DACH2: variants seen among roughly 807,000 people sequenced by gnomAD.
The protein encoded by DACH2 is dachshund homolog 2.
Under a neutral mutation model 35.8 loss-of-function variants are expected in DACH2, and 17 were observed. That is an observed-to-expected ratio of 0.48 (90% confidence interval 0.33 to 0.71). DACH2 has a LOEUF of 0.71. Among genes scored for constraint, DACH2 ranks in the 30% least tolerant of loss-of-function variants. The pLI, the probability that DACH2 is intolerant of heterozygous loss-of-function variation, is 0.02. For synonymous variants in DACH2, 195 were observed against 177.3 expected (o/e 1.10, Z -0.79); for missense variants, 469 against 472.7 (o/e 0.99, Z 0.07).
chrX:86,460,237 G>A (rs1029766975), intron 2 of DACH2, among the ~76,000 whole-genome samples: 1 of 110,743 alleles, frequency 9.0e-6, no homozygotes, highest in African/African-American at 3.3e-5. Context: ...CTCTGAAATA[G>A]AAAAGGATTT....
intron 3 of DACH2, among the ~76,000 whole-genome samples, chrX:86,522,446 T>G (rs1008227665): frequency 1.8e-5 from 2 of 111,909 alleles, no homozygotes; most frequent in Admixed American, 9.5e-5. Context: ...TTAGATATTA[T>G]ATCTATGTAA....
intron 1 of DACH2, among the ~76,000 whole-genome samples, chrX:86,278,345 C>G (rs1463123051): frequency 8.9e-6 from 1 of 111,792 alleles, no homozygotes; most frequent in Non-Finnish European, 1.9e-5. Context: ...CCATGTTTAT[C>G]TGACCTCTCA....
At chrX:86,824,822 A>T (rs2042547900) in intron 11 of DACH2, among the ~76,000 whole-genome samples, 1 of 111,555 alleles carries the variant, frequency 9.0e-6, no homozygotes. Context: ...GAACTAATAA[A>T]CCCTCAAATC....
In DACH2 at chrX:86,358,499, G is replaced by A. The variant is rs148914153; in HGVS notation, c.489-18325G>A. ...CACACACAATCCCAGAGAGAGCTGGGCAGCAATTATGGAGTGATGGCAATG... is the reference window on the plus strand; with the variant it reads ...CACACACAATCCCAGAGAGAGCTGGACAGCAATTATGGAGTGATGGCAATG... On this transcript the variant is annotated intron_variant, in intron 1 of 11. Coordinates refer to ENST00000373125, the MANE Select transcript of DACH2 (RefSeq NM_053281.3). 3.3e-3 allele frequency among the ~76,000 whole-genome samples: 346 copies of A among 105,848 alleles called. 1 individual carries two copies. The highest frequency in any genetic ancestry group is 5.6e-3 in the Non-Finnish European group (288 of 51,404). 91.9% of individuals were successfully genotyped at this position (105,848 alleles called of 115,157 possible).
intron 2 of DACH2, among the ~76,000 whole-genome samples, chrX:86,458,758 A>G (rs2037517928): frequency 8.9e-6 from 1 of 111,873 alleles, no homozygotes; most frequent in African/African-American, 3.2e-5. Context: ...TGTTAAATCA[A>G]TTTGGGGAAG....
chrX:86,261,858 C>T (rs1239118402), intron 1 of DACH2, among the ~76,000 whole-genome samples: 3 of 111,126 alleles, frequency 2.7e-5, no homozygotes, highest in African/African-American at 9.8e-5. Flanking sequence ...CTAGAGCTTG[C>T]ATATGGAGGG....
At chrX:86,556,056 A>G (rs1045082140) in intron 3 of DACH2, among the ~76,000 whole-genome samples, 1 of 111,840 alleles carries the variant, frequency 8.9e-6, no homozygotes, top group African/African-American at 3.2e-5. Flanking sequence ...TTATGTGATG[A>G]TGAGTAAAAG....
intron 3 of DACH2, among the ~76,000 whole-genome samples, chrX:86,592,122 T>C (rs1000452990): frequency 5.4e-5 from 6 of 111,686 alleles, no homozygotes; most frequent in Admixed American, 3.8e-4. Flanking sequence ...TTAGATTTTT[T>C]CCTATGTTAT....
intron 3 of DACH2, among the ~76,000 whole-genome samples, chrX:86,624,302 A>G (rs2040107854): frequency 9.0e-6 from 1 of 111,500 alleles, no homozygotes; most frequent in African/African-American, 3.3e-5. Flanking sequence ...TTCCGATTCA[A>G]TTGCAACCAA....
intron 2 of DACH2, among the ~76,000 whole-genome samples, chrX:86,395,764 C>A (rs913176473): frequency 1.8e-5 from 2 of 112,085 alleles, no homozygotes; most frequent in Non-Finnish European, 3.8e-5. Context: ...ATATGTGCCA[C>A]ATTTTGTTAA....
intron 7 of DACH2, among the ~76,000 whole-genome samples, chrX:86,812,442 A>G (rs1296665583): frequency 1.8e-5 from 2 of 111,960 alleles, no homozygotes; most frequent in Non-Finnish European, 3.8e-5. Context: ...ATTTTATTGT[A>G]TGTAAATTAT....
intron 1 of DACH2, among the ~76,000 whole-genome samples, chrX:86,217,727 CAAAA>C (rs1243642101): frequency 1.8e-5 from 2 of 110,246 alleles, no homozygotes; most frequent in Non-Finnish European, 3.8e-5. Context: ...GTATAACTGA[CAAAA>C]AAGAAATACT....
At chrX:86,787,373 A>T (rs2042147041) in intron 7 of DACH2, among the ~76,000 whole-genome samples, 1 of 111,631 alleles carries the variant, frequency 9.0e-6, no homozygotes, top group Non-Finnish European at 1.9e-5. Context: ...TAATTCCAGC[A>T]CTTTGGGAGG....
chrX:86,157,827 CATATT>C (rs1313943188), intron 1 of DACH2, among the ~76,000 whole-genome samples: 101 of 110,765 alleles, frequency 9.1e-4, no homozygotes, highest in Non-Finnish European at 1.3e-3. Flanking sequence ...TTTTTATTAT[CATATT>C]GTTAATGCAT....
chrX:86,218,131 C>T (rs1602295425), intron 1 of DACH2, among the ~76,000 whole-genome samples: 1 of 111,484 alleles, frequency 9.0e-6, no homozygotes, highest in East Asian at 2.8e-4. Flanking sequence ...CAAGGTCTCA[C>T]AGTTAGTATA....
chrX:86,304,138 A>G (rs940651964), intron 1 of DACH2, among the ~76,000 whole-genome samples: 1 of 112,133 alleles, frequency 8.9e-6, no homozygotes, highest in Non-Finnish European at 1.9e-5. Context: ...AGCTGCTTCA[A>G]TAAATGGTGC....
chrX:86,758,212 G>A (rs1054199393), intron 7 of DACH2, among the ~76,000 whole-genome samples: 5 of 111,536 alleles, frequency 4.5e-5, no homozygotes, highest in Non-Finnish European at 9.4e-5. Flanking sequence ...CCAACTATGT[G>A]TTTTGTTGAT....
chrX:86,827,449 G>A (rs186005062), intron 11 of DACH2, among the ~76,000 whole-genome samples: 5 of 111,293 alleles, frequency 4.5e-5, no homozygotes, highest in East Asian at 2.8e-4. Context: ...TATCATTTAC[G>A]CCATATTTAT....
At chrX:86,544,642 A>C (rs1420844722) in intron 3 of DACH2, among the ~76,000 whole-genome samples, 1 of 111,457 alleles carries the variant, frequency 9.0e-6, no homozygotes, top group Non-Finnish European at 1.9e-5. Flanking sequence ...TCCTGAAGTG[A>C]GTGCTAAACA....
Sources: allele counts gnomAD v4.1 joint callset (sites outside exome capture counted in the v4.1 genomes callset), GRCh38; gene constraint gnomAD v4.1.1; transcripts MANE v1.5; gene names NCBI Gene and HGNC (gene_info 2026-07-23, HGNC 2026-07-21).